The following SH3BGR variants were observed in gnomAD, a reference collection of about 807,000 sequenced individuals.
SH3BGR encodes the protein SH3 domain-binding glutamic acid-rich protein.
Under a neutral mutation model 24.5 loss-of-function variants are expected in SH3BGR, and 29 were observed. That is an observed-to-expected ratio of 1.18 (90% CI 0.88 to 1.61). The LOEUF (loss-of-function observed/expected upper bound fraction) is 1.61. SH3BGR is among the 40% of genes most tolerant of loss of function. The pLI is 0.00. For synonymous variants in SH3BGR, 55 were observed against 65.7 expected (o/e 0.84, Z 0.79); for missense variants, 162 against 205.8 (o/e 0.79, Z 1.30).
intron 3 of SH3BGR, chr21:39,491,533 G>A (rs2078299089): frequency 7.4e-6 from 2 of 268,918 alleles, no homozygotes; most frequent in African/African-American, 2.3e-5. Context: ...GTCTTCTAAG[G>A]CCTCAGCTAC....
upstream of SH3BGR, chr21:39,451,752 TC>T: frequency 1.1e-6 from 1 of 949,330 alleles, no homozygotes; most frequent in African/African-American, 1.7e-5. Context: ...TGCACAGGTC[TC>T]CGATTGGTGC....
intron 3 of SH3BGR, among the ~76,000 whole-genome samples, chr21:39,493,899 T>C (rs2078347279): frequency 6.6e-6 from 1 of 152,198 alleles, no homozygotes; most frequent in Admixed American, 6.5e-5. Flanking sequence ...GAGATCTTGA[T>C]TTGATTCTCA....
chr21:39,462,349 C>G, intron 1 of SH3BGR, 26 bp from the exon 2 acceptor site: 1 of 1,548,434 alleles, frequency 6.5e-7, no homozygotes, highest in East Asian at 2.3e-5. Flanking sequence ...TCATAAACAG[C>G]CTAATATTTC....
At chr21:39,514,957 C>A in intron 6 of SH3BGR, 131 bp from the exon 7 acceptor site, 1 of 295,264 alleles carries the variant, frequency 3.4e-6, no homozygotes, top group Non-Finnish European at 6.8e-6. Flanking sequence ...CAGTGGGGAG[C>A]AAATGATGAC....
intron 4 of SH3BGR, among the ~76,000 whole-genome samples, chr21:39,501,911 G>T (rs1018940233): frequency 6.6e-6 from 1 of 152,194 alleles, no homozygotes; most frequent in Non-Finnish European, 1.5e-5. Context: ...CATGGCTCAC[G>T]CCTATAATCC....
intron 4 of SH3BGR, 84 bp from the exon 5 acceptor site, chr21:39,508,914 A>G: frequency 9.8e-7 from 1 of 1,023,660 alleles, no homozygotes; most frequent in Non-Finnish European, 1.5e-6. Context: ...CTTGTATTTT[A>G]TTATAGTTTG....
chr21:39,450,968 A>G (rs184849719), upstream of SH3BGR, among the ~76,000 whole-genome samples: 299 of 150,716 alleles, frequency 2.0e-3, 1 homozygote, highest in African/African-American at 7.1e-3. Context: ...GCCTGCCAAC[A>G]TGCCTGGCTG....
In SH3BGR at chr21:39,509,765, G is replaced by A. The variant is rs375601908; in HGVS notation, c.435+738G>A. Among the ~76,000 whole-genome samples, 17 of 152,062 alleles carry A rather than the reference G, an allele frequency of 1.1e-4. No individual in the cohort carries two copies. The East Asian group carries it at 2.5e-3, about 23-fold the overall frequency. On this transcript the variant is annotated intron_variant, in intron 5 of 6. Transcript: ENST00000333634. ...GCTGGGATTACAGGTGTGAGCCACT[G>A]CACTGGGCCTGGATTAATCACTTTA...
intron 3 of SH3BGR, among the ~76,000 whole-genome samples, chr21:39,476,894 T>G (rs2078036708): frequency 6.6e-6 from 1 of 152,126 alleles, no homozygotes; most frequent in Non-Finnish European, 1.5e-5. Context: ...CTTTTGTAGG[T>G]CAAATTTTTG....
At chr21:39,468,142 C>T (rs982544616) in intron 2 of SH3BGR, among the ~76,000 whole-genome samples, 4 of 152,188 alleles carry the variant, frequency 2.6e-5, no homozygotes, top group African/African-American at 7.2e-5. Context: ...GCCCATTTAG[C>T]AGAGGTATGA....
chr21:39,503,704 C>G (rs2078535423), intron 4 of SH3BGR, among the ~76,000 whole-genome samples: 1 of 152,138 alleles, frequency 6.6e-6, no homozygotes, highest in African/African-American at 2.4e-5. Context: ...AAACTATTAT[C>G]TTCTTTAATG....
At chr21:39,461,555 GA>G (rs1287077456) in intron 1 of SH3BGR, among the ~76,000 whole-genome samples, 1 of 152,170 alleles carries the variant, frequency 6.6e-6, no homozygotes, top group Non-Finnish European at 1.5e-5. Flanking sequence ...CAGAGAAAAG[GA>G]AATAACATTC....
chr21:39,466,502 G>C (rs998658497), intron 2 of SH3BGR, among the ~76,000 whole-genome samples: 2 of 152,136 alleles, frequency 1.3e-5, no homozygotes, highest in Non-Finnish European at 2.9e-5. Flanking sequence ...TAATAAAGAC[G>C]TACCCAGGAC....
chr21:39,494,692 T>G (rs986261559), intron 3 of SH3BGR, among the ~76,000 whole-genome samples: 13 of 152,066 alleles, frequency 8.5e-5, no homozygotes, highest in Non-Finnish European at 1.0e-4. Flanking sequence ...ATGTTTTTTT[T>G]TGTGTACTTA....
chr21:39,495,482 CTTTT>C (rs543877521), intron 3 of SH3BGR, among the ~76,000 whole-genome samples: 1 of 140,166 alleles, frequency 7.1e-6, no homozygotes, highest in Non-Finnish European at 1.6e-5. Flanking sequence ...GTAAAAGTCT[CTTTT>C]TTTTTTTTTT....
intron 2 of SH3BGR, among the ~76,000 whole-genome samples, chr21:39,467,246 T>C (rs558621122): frequency 6.7e-6 from 1 of 149,600 alleles, no homozygotes; most frequent in East Asian, 1.9e-4. Context: ...CCCAGTTTGC[T>C]GTGATCTAGT....
chr21:39,454,845 G>A (rs1290677500), intron 1 of SH3BGR, among the ~76,000 whole-genome samples: 1 of 152,190 alleles, frequency 6.6e-6, no homozygotes, highest in Non-Finnish European at 1.5e-5. Flanking sequence ...GCACTGGGAT[G>A]GTAGTGTGCT....
At chr21:39,453,192 A>G (rs888806903) in intron 1 of SH3BGR, among the ~76,000 whole-genome samples, 1 of 152,172 alleles carries the variant, frequency 6.6e-6, no homozygotes, top group African/African-American at 2.4e-5. Context: ...GTTTCCAGAG[A>G]GGGTGAGAAG....
At chr21:39,488,576 T>A (rs892785182) in intron 3 of SH3BGR, 2 of 286,102 alleles carry the variant, frequency 7.0e-6, no homozygotes, top group Non-Finnish European at 1.3e-5. Flanking sequence ...AGGACTAGGG[T>A]GCCTAGTTTT....
Sources: gnomAD v4.1 joint callset for allele counts (sites outside exome capture counted in the v4.1 genomes callset) on GRCh38, gnomAD v4.1.1 for gene constraint, MANE v1.5 for transcripts, NCBI Gene and HGNC (gene_info 2026-07-23, HGNC 2026-07-21) for gene names.